Variants in PDXDC1 observed in about 807,000 individuals in gnomAD.
The protein encoded by PDXDC1 is pyridoxal-dependent decarboxylase domain-containing protein 1.
PDXDC1 carries 42 observed loss-of-function variants against 100.1 expected under a neutral mutation model. The ratio of observed to expected loss-of-function variants is 0.42; its 90% CI spans 0.33 to 0.54. PDXDC1 has a LOEUF of 0.54. Ranked by LOEUF, PDXDC1 falls within the 20% of genes least tolerant of loss-of-function variation. The pLI, the probability that PDXDC1 is intolerant of heterozygous loss-of-function variation, is 0.10. For synonymous variants in PDXDC1, 260 were observed against 371.7 expected (o/e 0.70, Z 3.46); for missense variants, 636 against 979.2 (o/e 0.65, Z 4.68).
At chr16:15,026,815 A>G in intron 14 of PDXDC1, 109 bp downstream of exon 14, 2 of 1,157,886 alleles carry the variant, frequency 1.7e-6, no homozygotes, top group South Asian at 2.7e-5. Context: ...GACAATCTTC[A>G]GTCAGCATTT....
chr16:15,082,583 G>A (rs2045753405), intron 16 of PDXDC1, among the ~76,000 whole-genome samples: 1 of 151,880 alleles, frequency 6.6e-6, no homozygotes, highest in East Asian at 1.9e-4. Flanking sequence ...TGAGGTGGGA[G>A]AGTCACTTGA....
intron 16 of PDXDC1, among the ~76,000 whole-genome samples, chr16:15,095,388 T>A (rs943558892): frequency 2.0e-5 from 3 of 151,748 alleles, no homozygotes; most frequent in East Asian, 2.0e-4. Flanking sequence ...CTACAAAAAA[T>A]TTAAAAAATA....
At position 15,033,037 on chromosome 16, in the gene PDXDC1, T is replaced by G; in HGVS notation, c.1690+58T>G. ...TTTGGAAGGACACTTGGTAACCGGCTTTGAAGACGACGGCTCATCCCTTAG... is the reference window on the plus strand; with the variant it reads ...TTTGGAAGGACACTTGGTAACCGGCGTTGAAGACGACGGCTCATCCCTTAG... On this transcript the variant is annotated intron_variant, in intron 18 of 22. Coordinates refer to ENST00000396410, the MANE Select transcript of PDXDC1 (RefSeq NM_015027.4). 2.6e-6 allele frequency: 3 copies of G among 1,145,286 alleles called. No individual in the cohort carries two copies. In the East Asian group the frequency reaches 7.0e-5, roughly 27 times the overall value. 70.9% of individuals were successfully genotyped at this position (1,145,286 alleles called of 1,614,324 possible).
intron 16 of PDXDC1, among the ~76,000 whole-genome samples, chr16:15,101,043 C>G (rs1267812531): frequency 6.6e-6 from 1 of 152,112 alleles, no homozygotes; most frequent in Non-Finnish European, 1.5e-5. Flanking sequence ...TTACTTTGGG[C>G]AATTGCCTTA....
intron 16 of PDXDC1, among the ~76,000 whole-genome samples, chr16:15,064,861 G>A (rs1260365400): frequency 2.0e-5 from 3 of 152,174 alleles, no homozygotes; most frequent in African/African-American, 4.8e-5. Context: ...AAGCAAACAT[G>A]TATCACGTTT....
At chr16:15,022,821 T>C (rs1244478502) in intron 13 of PDXDC1, 67 bp downstream of exon 13, 3 of 1,228,824 alleles carry the variant, frequency 2.4e-6, no homozygotes, top group Non-Finnish European at 3.5e-6. Flanking sequence ...CTTTGAATGA[T>C]TTTAGAACTT....
chr16:15,026,428 A>C (rs1320131884), intron 13 of PDXDC1: 1 of 568,524 alleles, frequency 1.8e-6, no homozygotes, highest in Non-Finnish European at 3.1e-6. Flanking sequence ...ACATCTTATA[A>C]TTCACAGTGT....
At chr16:14,985,050 T>C (rs1363127960) in intron 1 of PDXDC1, among the ~76,000 whole-genome samples, 3 of 146,180 alleles carry the variant, frequency 2.1e-5, no homozygotes, top group Non-Finnish European at 4.5e-5. Flanking sequence ...AGTTTTTGTA[T>C]TTTTAGTAGA....
chr16:15,115,242 CTTTT>C (rs1233459420), intron 16 of PDXDC1, among the ~76,000 whole-genome samples: 2 of 127,638 alleles, frequency 1.6e-5, no homozygotes, highest in African/African-American at 3.0e-5. Context: ...CATTTTTTTT[CTTTT>C]TGTTTGTTGT....
At chr16:14,976,661 A>G (rs1404014841) in intron 1 of PDXDC1, 6 of 152,498 alleles carry the variant, frequency 3.9e-5, no homozygotes, top group African/African-American at 7.2e-5. Context: ...ACATTTGGCT[A>G]TCTCTGGACA....
intron 16 of PDXDC1, among the ~76,000 whole-genome samples, chr16:15,082,436 G>A (rs2045746281): frequency 6.6e-6 from 1 of 152,090 alleles, no homozygotes; most frequent in Admixed American, 6.6e-5. Context: ...ACTTTGCGAG[G>A]TGGAGACGGG....
At chr16:15,008,107 C>G (rs1439989682) in intron 6 of PDXDC1, among the ~76,000 whole-genome samples, 2 of 152,278 alleles carry the variant, frequency 1.3e-5, no homozygotes, top group East Asian at 3.8e-4. Context: ...GTGTCACATT[C>G]ATAATTTTTA....
In PDXDC1 at chr16:15,061,764, T is replaced by C. The variant is rs748244560; in HGVS notation, c.1399+31708T>C. The C allele has an allele frequency of 3.1e-6, 5 of 1,613,468 alleles. No individual in the cohort carries two copies. In the South Asian group the frequency reaches 4.4e-5, roughly 14 times the overall value. ...TGCCGTCAGAGGGGACTGGGTTGCATGTACAACACGGGTGGGGAGCCCACA... is the reference window on the plus strand; with the variant it reads ...TGCCGTCAGAGGGGACTGGGTTGCACGTACAACACGGGTGGGGAGCCCACA... On this transcript the variant is annotated intron_variant, in intron 16 of 16. Coordinates refer to the PDXDC1 transcript ENST00000535621.
chr16:15,132,356 G>C (rs1328264872), intron 16 of PDXDC1, among the ~76,000 whole-genome samples: 1 of 19,856 alleles, frequency 5.0e-5, no homozygotes, highest in Non-Finnish European at 1.4e-4. Context: ...TAGGGGAGGG[G>C]GGAGGGGCAA....
intron 14 of PDXDC1, 60 bp from the exon 15 acceptor site, chr16:15,028,818 G>T (rs1241058215): frequency 1.1e-5 from 16 of 1,518,374 alleles, no homozygotes; most frequent in South Asian, 5.9e-5. Context: ...GGTTTGGAGG[G>T]TGTTTTTTTT....
At chr16:15,002,118 G>A (rs550646903) in intron 4 of PDXDC1, among the ~76,000 whole-genome samples, 22 of 152,366 alleles carry the variant, frequency 1.4e-4, no homozygotes, top group Non-Finnish European at 2.6e-4. Context: ...AGTGAGTGTC[G>A]GATGTCTTTC....
intron 16 of PDXDC1, chr16:15,104,678 G>C: frequency 1.3e-6 from 2 of 1,597,614 alleles, no homozygotes; most frequent in Non-Finnish European, 1.7e-6. Context: ...GGCCCATCCT[G>C]TTTTTTAAAG....
intron 16 of PDXDC1, chr16:15,132,593 C>T (rs531212414): frequency 7.9e-6 from 6 of 757,702 alleles, no homozygotes; most frequent in South Asian, 3.1e-5. Flanking sequence ...GACCGAGGAA[C>T]GCCATGGCAT....
downstream of PDXDC1, among the ~76,000 whole-genome samples, chr16:15,143,675 G>A (rs764411623): frequency 3.9e-5 from 6 of 152,330 alleles, no homozygotes; most frequent in East Asian, 1.9e-4. Flanking sequence ...CGGGGGAGCC[G>A]GGGTCGGGGC....
Sources: gnomAD v4.1 joint callset for allele counts (sites outside exome capture counted in the v4.1 genomes callset) on GRCh38, gnomAD v4.1.1 for gene constraint, MANE v1.5 for transcripts, NCBI Gene and HGNC (gene_info 2026-07-23, HGNC 2026-07-21) for gene names.